The following ACOX1 variants were observed in gnomAD, a reference collection of about 807,000 sequenced individuals.
ACOX1 encodes acyl-CoA oxidase 1.
Under a neutral mutation model 75.5 loss-of-function variants are expected in ACOX1, and 41 were observed. That is an observed-to-expected ratio of 0.54 (90% CI 0.42 to 0.70). ACOX1 has a LOEUF of 0.70. Ranked by LOEUF, ACOX1 falls within the 30% of genes least tolerant of loss-of-function variation. The probability of loss-of-function intolerance (pLI) is 0.00; values close to 1 mark genes in which losing one functional copy is unlikely to be tolerated. For synonymous variants in ACOX1, 303 were observed against 298.8 expected (o/e 1.01, Z -0.15); for missense variants, 630 against 837.5 (o/e 0.75, Z 3.06).
intron 8 of ACOX1, 76 bp downstream of exon 8, chr17:75,951,339 G>A: frequency 6.4e-7 from 1 of 1,560,386 alleles, no homozygotes; most frequent in South Asian, 1.1e-5. Flanking sequence ...CCAACATTTA[G>A]TTATCTCTGG....
rs1002479369 is a variant in ACOX1, at chr17:75,945,759, GTTT to G, written c.*986_*988del. The G allele has an allele frequency of 6.6e-6, 1 of 152,478 alleles. No individual in the cohort carries two copies. The highest frequency in any genetic ancestry group is 6.6e-5 in the Admixed American group (1 of 15,134). 9.4% of individuals were successfully genotyped at this position (152,478 alleles called of 1,614,324 possible). On this transcript the variant is annotated 3_prime_UTR_variant, in exon 14 of 14. Transcript: ENST00000293217. ...TGGAACTTCCATTTTTCTAACTATA[GTTT>G]TTTGTTTTTGTTTTTTCCCAGTTGT...
rs772115436 is a variant in ACOX1, at chr17:75,948,319, G to A, written c.1867C>T (p.Arg623Cys). 1.1e-5 allele frequency: 17 copies of A among 1,613,942 alleles called. No individual in the cohort carries two copies. Among genetic ancestry groups the A allele is most frequent in the South Asian group, 5.5e-5 (5 of 91,092 alleles). ...QDVTLGSVLG[R>C]YDGNVYENLF... ...TTTTCATACACATTCCCATCATAGC[G>A]GCCAAGCACAGAGCCAAGTGTCACA... The change falls in exon 13 of 14, where the codon CGC (arginine) becomes TGC (cysteine). Residue 623 changes from arginine (R) to cysteine (C), a missense_variant. Physicochemically the swap from Arg to Cys is radical, Grantham distance 180. Transcript: ENST00000293217.
intron 2 of ACOX1, among the ~76,000 whole-genome samples, chr17:75,969,024 G>A (rs556310228): frequency 2.6e-5 from 4 of 152,206 alleles, no homozygotes; most frequent in Admixed American, 2.0e-4. Context: ...TCAATATATT[G>A]TCAACTGGTT....
rs1223859017 is a variant in ACOX1 at position 75,979,152 on chromosome 17, C to G, written c.-79G>C. 1.7e-5 allele frequency: 27 copies of G among 1,565,008 alleles called. No homozygotes were observed. The highest frequency in any genetic ancestry group is 3.6e-5 in the Admixed American group (2 of 55,220). ...CTAAATCCGCAGCTCCAGCGCCGGCCGGACCCTAGGAGGCAGCCTCAGGAC... is the reference window on the plus strand; with the variant it reads ...CTAAATCCGCAGCTCCAGCGCCGGCGGGACCCTAGGAGGCAGCCTCAGGAC... On this transcript the variant is annotated 5_prime_UTR_variant, in exon 1 of 14. Coordinates refer to ENST00000293217, the MANE Select transcript of ACOX1 (RefSeq NM_004035.7).
rs1241107131 is a variant in ACOX1, at chr17:75,948,403, A to G, written c.1783T>C (p.Leu595=). ...GCATCTGAGCGAATCAGAGTGAGTA[A>G]CTCCTTTACACGCTGGTTTACTTGT... ...ITQVNQRVKE[L]LTLIRSDAVA... Residue 595 remains leucine, a synonymous_variant, in exon 13 of 14, where the codon TTA becomes CTA. Transcript: ENST00000293217. 1.2e-6 allele frequency: 2 copies of G among 1,613,920 alleles called. No homozygotes were observed. Among genetic ancestry groups the G allele is most frequent in the South Asian group, 2.2e-5 (2 of 91,090 alleles).
chr17:75,976,991 C>CTTTTTTTTT (rs1019883355), intron 2 of ACOX1, among the ~76,000 whole-genome samples: 2 of 78,902 alleles, frequency 2.5e-5, no homozygotes, highest in African/African-American at 5.1e-5. Flanking sequence ...GCAAAAAAGT[C>CTTTTTTTTT]TTTTTTTTTT....
Position 75,958,326 on chromosome 17 carries a change from C to G in ACOX1, c.431-760G>C, listed in dbSNP as rs188134511. On this transcript the variant is annotated intron_variant, in intron 3 of 13. Coordinates refer to ENST00000293217, the MANE Select transcript of ACOX1 (RefSeq NM_004035.7). ...CAAGATTGTGCCACCGCACTCCAGCCTGGGTGGCAGAGCAAGACTCCATCT... is the reference window on the plus strand; with the variant it reads ...CAAGATTGTGCCACCGCACTCCAGCGTGGGTGGCAGAGCAAGACTCCATCT... 2.0e-4 allele frequency among the ~76,000 whole-genome samples: 28 copies of G among 139,844 alleles called. No individual in the cohort carries two copies. In the East Asian group the frequency reaches 2.3e-3, roughly 11 times the overall value. 91.7% of individuals were successfully genotyped at this position (139,844 alleles called of 152,430 possible). A position where few individuals can be genotyped will look rare whatever the true frequency, so the allele number is the denominator to read the frequency against.
intron 3 of ACOX1, among the ~76,000 whole-genome samples, chr17:75,958,929 A>G (rs1419207918): frequency 8.5e-5 from 13 of 152,184 alleles, no homozygotes; most frequent in South Asian, 2.1e-4. Flanking sequence ...GAGATTTCCA[A>G]TGGCAGGCCT....
At chr17:75,973,534 CAGGT>C in intron 2 of ACOX1, 1 of 1,335,648 alleles carries the variant, frequency 7.5e-7, no homozygotes, top group Non-Finnish European at 1.1e-6. Context: ...GAATCCCAAA[CAGGT>C]AGCAGCAGAA....
At chr17:75,956,731 C>CT (rs962992538) in intron 4 of ACOX1, among the ~76,000 whole-genome samples, 5,255 of 138,410 alleles carry the variant, frequency 0.038, 100 homozygotes, top group African/African-American at 0.049. Context: ...AAATTTTTTT[C>CT]TTTTTTTTTT....
chr17:75,955,574 A>G lies in ACOX1; in HGVS notation c.766T>C (p.Tyr256His), dbSNP rs761718909. The G allele has an allele frequency of 6.2e-7, 1 of 1,613,538 alleles. No individual in the cohort carries two copies. Among genetic ancestry groups the G allele is most frequent in the Non-Finnish European group, 8.5e-7 (1 of 1,179,456 alleles). Reference sequence around the variant, plus strand: ...TTTCTATCAAAACATACCTGGGCATACTTCATCAGCATGTTTTCTCTGGGA... The same window carrying G: ...TTTCTATCAAAACATACCTGGGCATGCTTCATCAGCATGTTTTCTCTGGGA... ...RIPRENMLMK[Y>H]AQVKPDGTYV... is the part of the protein sequence containing the mutation. Residue 256 changes from tyrosine (Y) to histidine (H), a missense_variant, in exon 6 of 14, where the codon TAT becomes CAT. Physicochemically the swap from Tyr to His is moderately conservative, Grantham distance 83. Around this residue, in one of 2 missense-constraint regions of ACOX1, gnomAD observed 390 missense variants for 574.9 expected, o/e 0.68. Coordinates refer to ENST00000293217, the MANE Select transcript of ACOX1 (RefSeq NM_004035.7).
intron 4 of ACOX1, among the ~76,000 whole-genome samples, chr17:75,957,021 C>T (rs1259585281): frequency 4.5e-5 from 6 of 134,658 alleles, no homozygotes; most frequent in African/African-American, 1.7e-4. Context: ...ACACACACAC[C>T]TCTCTCTGTC....
chr17:75,950,034 G>T lies in ACOX1; in HGVS notation c.1299-137C>A, dbSNP rs2065760053. The T allele has an allele frequency of 2.2e-6, 2 of 919,384 alleles. No individual in the cohort carries two copies. Among genetic ancestry groups the T allele is most frequent in the Admixed American group, 2.0e-5 (1 of 49,770 alleles). 57.0% of individuals were successfully genotyped at this position (919,384 alleles called of 1,614,324 possible). On this transcript the variant is annotated intron_variant, in intron 9 of 13. Transcript: ENST00000293217. The surrounding 1 kb of genome is among the most constrained non-coding windows in gnomAD (Gnocchi z 4.3). Reference sequence around the variant, plus strand: ...AGCTCACTGCAACCTCCTCCTCTTGGGTTCAAATGAATGATTCTCCTGCCT... The same window carrying T: ...AGCTCACTGCAACCTCCTCCTCTTGTGTTCAAATGAATGATTCTCCTGCCT...
At chr17:75,973,354 T>G in intron 2 of ACOX1, 1 of 483,870 alleles carries the variant, frequency 2.1e-6, no homozygotes, top group Non-Finnish European at 3.8e-6. Context: ...AGTAACATAA[T>G]GGGGTTCCCC....
chr17:75,951,333 C>A, intron 8 of ACOX1, 82 bp downstream of exon 8: 1 of 1,541,534 alleles, frequency 6.5e-7, no homozygotes, highest in Non-Finnish European at 8.9e-7. Flanking sequence ...GAAATACCAA[C>A]ATTTAGTTAT....
chr17:75,946,735 T>C lies in ACOX1; in HGVS notation c.*13A>G. ...CGCTTTCTGAAGCAGATTAAACTTG[T>C]CCTTGTGACACTTCAGAGCTTGGAC... On this transcript the variant is annotated 3_prime_UTR_variant, in exon 14 of 14. Transcript: ENST00000293217. The C allele has an allele frequency of 6.2e-7, 1 of 1,613,438 alleles. No individual in the cohort carries two copies. The highest frequency in any genetic ancestry group is 2.2e-5 in the East Asian group (1 of 44,878).
intron 7 of ACOX1, 108 bp from the exon 8 acceptor site, chr17:75,951,685 C>CT: frequency 9.0e-7 from 1 of 1,107,640 alleles, no homozygotes; most frequent in Non-Finnish European, 1.3e-6. Flanking sequence ...ATTTAGTCCT[C>CT]TTAAGGGCAC....
chr17:75,964,094 G>T (rs2065909787), intron 2 of ACOX1, among the ~76,000 whole-genome samples: 1 of 147,304 alleles, frequency 6.8e-6, no homozygotes, highest in Non-Finnish European at 1.5e-5. Context: ...TGAGGCACGA[G>T]AATTGCTTGA....
At chr17:75,963,608 A>G (rs2065905113) in intron 2 of ACOX1, among the ~76,000 whole-genome samples, 1 of 152,004 alleles carries the variant, frequency 6.6e-6, no homozygotes, top group African/African-American at 2.4e-5. Flanking sequence ...CTGGGGTAGA[A>G]GAATCCTTGA....
Sources: gnomAD v4.1 joint callset for allele counts (sites outside exome capture counted in the v4.1 genomes callset) on GRCh38, gnomAD v4.1.1 for gene constraint, gnomAD v4.1.1 regional missense constraint, Gnocchi (gnomAD v3.1) non-coding constraint, MANE v1.5 for transcripts, NCBI Gene and HGNC (gene_info 2026-07-23, HGNC 2026-07-21) for gene names.